ST6GALNAC3: variants seen among roughly 807,000 people sequenced by gnomAD.
The protein encoded by ST6GALNAC3 is alpha-N-acetylgalactosaminide alpha-2,6-sialyltransferase 3.
In ST6GALNAC3, 25 loss-of-function variants were observed where a neutral mutation model predicts 32.7. The ratio of observed to expected loss-of-function variants is 0.76; its 90% CI spans 0.56 to 1.07. The LOEUF is 1.07. Among genes scored for constraint, ST6GALNAC3 ranks in the 50% least tolerant of loss-of-function variants. The pLI, the probability that ST6GALNAC3 is intolerant of heterozygous loss-of-function variation, is 0.00. For missense variants in ST6GALNAC3, 355 were observed against 382.4 expected (o/e 0.93, Z 0.60); for synonymous variants, 129 against 133.1 (o/e 0.97, Z 0.21).
intron 1 of ST6GALNAC3, among the ~76,000 whole-genome samples, chr1:76,234,803 C>G (rs533171261): frequency 6.6e-6 from 1 of 152,300 alleles, no homozygotes; most frequent in African/African-American, 2.4e-5. Context: ...TGAGTGGATT[C>G]CTTTCTCTTC....
chr1:76,480,252 T>A (rs182385021), intron 3 of ST6GALNAC3, among the ~76,000 whole-genome samples: 14 of 152,320 alleles, frequency 9.2e-5, no homozygotes, highest in Admixed American at 6.5e-4. Flanking sequence ...TCATTTGAAA[T>A]TCATTTTTCC....
chr1:76,305,513 G>A (rs559759458), intron 1 of ST6GALNAC3, among the ~76,000 whole-genome samples: 1 of 152,160 alleles, frequency 6.6e-6, no homozygotes, highest in African/African-American at 2.4e-5. Context: ...ACAGGATCAG[G>A]TTTGATTTTG....
intron 3 of ST6GALNAC3, among the ~76,000 whole-genome samples, chr1:76,518,542 C>T (rs935956896): frequency 1.3e-5 from 2 of 151,792 alleles, no homozygotes; most frequent in Non-Finnish European, 2.9e-5. Flanking sequence ...TTTCTCACAT[C>T]GTGTTTGTTT....
intron 3 of ST6GALNAC3, among the ~76,000 whole-genome samples, chr1:76,467,006 T>C (rs1458087310): frequency 6.6e-6 from 1 of 152,056 alleles, no homozygotes; most frequent in Non-Finnish European, 1.5e-5. Flanking sequence ...ATTCGCACTT[T>C]CCTTAAGATG....
intron 3 of ST6GALNAC3, among the ~76,000 whole-genome samples, chr1:76,461,219 G>C (rs1183708179): frequency 1.3e-5 from 2 of 152,084 alleles, no homozygotes; most frequent in African/African-American, 4.8e-5. Context: ...ATCCTTCACA[G>C]AATCCTCTAA....
At position 76,329,820 on chromosome 1, in the gene ST6GALNAC3, A is replaced by AT. The variant is rs1553180140; in HGVS notation, c.213+15827dup. On this transcript the variant is annotated intron_variant, in intron 2 of 4. Transcript: ENST00000328299. ...TCTTTATTTATTTATTTATTTATTT[A>AT]TTTTTTGAGATGGAGTCTTGCTCTG... Among the ~76,000 whole-genome samples the AT allele has an allele frequency of 6.6e-3, 989 of 150,784 alleles. 8 individuals carry two copies. The highest frequency in any genetic ancestry group is 0.023 in the African/African-American group (948 of 40,996).
intron 3 of ST6GALNAC3, among the ~76,000 whole-genome samples, chr1:76,582,130 G>A (rs577214596): frequency 6.6e-6 from 1 of 152,252 alleles, no homozygotes; most frequent in East Asian, 1.9e-4. Flanking sequence ...ATGTTGCACA[G>A]TACTCAAAGA....
chr1:76,514,446 G>A (rs1662052206), intron 3 of ST6GALNAC3, among the ~76,000 whole-genome samples: 1 of 152,104 alleles, frequency 6.6e-6, no homozygotes, highest in South Asian at 2.1e-4. Flanking sequence ...TGGAAAGTGG[G>A]GCCTAGTGGT....
At chr1:76,089,360 G>A (rs941655262) in intron 1 of ST6GALNAC3, among the ~76,000 whole-genome samples, 1 of 152,156 alleles carries the variant, frequency 6.6e-6, no homozygotes, top group Non-Finnish European at 1.5e-5. Flanking sequence ...CACACTGAAG[G>A]ATTTTTAAAC....
intron 3 of ST6GALNAC3, among the ~76,000 whole-genome samples, chr1:76,621,980 T>C (rs1356352610): frequency 6.6e-6 from 1 of 152,048 alleles, no homozygotes; most frequent in Non-Finnish European, 1.5e-5. Flanking sequence ...GTATAACAGA[T>C]TTCAGAAGCT....
At chr1:76,121,474 T>C (rs1374364054) in intron 1 of ST6GALNAC3, among the ~76,000 whole-genome samples, 2 of 152,160 alleles carry the variant, frequency 1.3e-5, no homozygotes, top group Admixed American at 6.5e-5. Flanking sequence ...CCCAGCACTT[T>C]GGGAGGCTGA....
intron 1 of ST6GALNAC3, among the ~76,000 whole-genome samples, chr1:76,256,635 G>T (rs956319517): frequency 6.6e-6 from 1 of 152,050 alleles, no homozygotes; most frequent in Non-Finnish European, 1.5e-5. Context: ...TTTGCCAGGG[G>T]GGTGGGGTGG....
At position 76,629,106 on chromosome 1, in the gene ST6GALNAC3, A is replaced by C. The variant is rs1268053551; in HGVS notation, c.*300A>C. 1 of 1,117,118 alleles carries C rather than the reference A, an allele frequency of 9.0e-7. No homozygotes were observed. The highest frequency in any genetic ancestry group is 1.7e-5 in the African/African-American group (1 of 60,066). 69.2% of individuals were successfully genotyped at this position (1,117,118 alleles called of 1,614,324 possible). On this transcript the variant is annotated 3_prime_UTR_variant, in exon 5 of 5. Coordinates refer to ENST00000328299, the MANE Select transcript of ST6GALNAC3 (RefSeq NM_152996.4). The stretch of plus-strand genomic sequence containing the variant: ...GACAACTGTGACCTAAGAAATGGGA[A>C]GATTATCTTTCAAGATAGCTGCCTA...
At chr1:76,527,723 A>G (rs1663000909) in intron 3 of ST6GALNAC3, among the ~76,000 whole-genome samples, 1 of 152,104 alleles carries the variant, frequency 6.6e-6, no homozygotes, top group South Asian at 2.1e-4. Flanking sequence ...TAGGAAATGG[A>G]CAAAAGCTGC....
intron 1 of ST6GALNAC3, among the ~76,000 whole-genome samples, chr1:76,304,115 G>T (rs2100858390): frequency 6.6e-6 from 1 of 151,834 alleles, no homozygotes; most frequent in African/African-American, 2.4e-5. Flanking sequence ...AATAATTTAG[G>T]ACTTATATTT....
chr1:76,371,629 G>A (rs60534393), intron 2 of ST6GALNAC3, among the ~76,000 whole-genome samples: 8,760 of 152,242 alleles, frequency 0.058, 315 homozygotes, highest in African/African-American at 0.1. Flanking sequence ...TGGCAGTAGC[G>A]AGTCCGAGAT....
chr1:76,305,993 T>G, intron 1 of ST6GALNAC3: 1 of 490,966 alleles, frequency 2.0e-6, no homozygotes, highest in South Asian at 1.5e-5. Context: ...ATATAACTGG[T>G]TCAGAAATTT....
chr1:76,213,017 A>G (rs1655253998), intron 1 of ST6GALNAC3, among the ~76,000 whole-genome samples: 1 of 152,234 alleles, frequency 6.6e-6, no homozygotes, highest in African/African-American at 2.4e-5. Context: ...AGCTGAATTA[A>G]TAAATGAATG....
intron 1 of ST6GALNAC3, among the ~76,000 whole-genome samples, chr1:76,273,731 G>A (rs1332252755): frequency 6.6e-6 from 1 of 152,198 alleles, no homozygotes; most frequent in Non-Finnish European, 1.5e-5. Flanking sequence ...AACATGCACT[G>A]AGAGCCTTAA....
Sources: gnomAD v4.1 joint callset for allele counts (sites outside exome capture counted in the v4.1 genomes callset) on GRCh38, gnomAD v4.1.1 for gene constraint, MANE v1.5 for transcripts, NCBI Gene and HGNC (gene_info 2026-07-23, HGNC 2026-07-21) for gene names.